LUZP2: variants seen among roughly 807,000 people sequenced by gnomAD.
The protein encoded by LUZP2 is leucine zipper protein 2.
In LUZP2, 52 loss-of-function variants were observed where a neutral mutation model predicts 51.6. The ratio of observed to expected loss-of-function variants is 1.01; its 90% CI spans 0.81 to 1.27. The LOEUF is 1.27. Ranked by LOEUF, LUZP2 falls within the 50% of genes most tolerant of loss-of-function variation. The pLI is 0.00. For synonymous variants in LUZP2, 154 were observed against 137.3 expected (o/e 1.12, Z -0.85); for missense variants, 436 against 395.4 (o/e 1.10, Z -0.87).
intron 1 of LUZP2, among the ~76,000 whole-genome samples, chr11:24,634,533 AT>A (rs1371049631): frequency 3.3e-5 from 5 of 150,838 alleles, no homozygotes; most frequent in Admixed American, 2.7e-4. Flanking sequence ...CTCATTCCCT[AT>A]TTTTTCCCCC....
At chr11:24,916,786 C>T (rs1177978776) in intron 7 of LUZP2, among the ~76,000 whole-genome samples, 1 of 151,940 alleles carries the variant, frequency 6.6e-6, no homozygotes, top group Non-Finnish European at 1.5e-5. Flanking sequence ...ATAGTGATAC[C>T]ATAAACATAC....
intron 10 of LUZP2, among the ~76,000 whole-genome samples, chr11:25,074,523 T>C (rs1255722441): frequency 6.6e-6 from 1 of 152,192 alleles, no homozygotes; most frequent in African/African-American, 2.4e-5. Flanking sequence ...TTATCTCGAA[T>C]AGTTGGTTGT....
chr11:24,829,332 G>T (rs1296875368), intron 5 of LUZP2, among the ~76,000 whole-genome samples: 1 of 152,142 alleles, frequency 6.6e-6, no homozygotes, highest in Non-Finnish European at 1.5e-5. Flanking sequence ...AAAAACTCCA[G>T]AGTAGGAAAA....
intron 5 of LUZP2, among the ~76,000 whole-genome samples, chr11:24,797,581 T>A (rs1849580865): frequency 6.6e-6 from 1 of 152,160 alleles, no homozygotes; most frequent in Admixed American, 6.6e-5. Context: ...AAAACTTGCC[T>A]CCTGGTGATA....
At chr11:24,714,965 A>G (rs1247315839) in intron 1 of LUZP2, among the ~76,000 whole-genome samples, 1 of 152,150 alleles carries the variant, frequency 6.6e-6, no homozygotes, top group African/African-American at 2.4e-5. Context: ...CACTTTAACT[A>G]AAGACTCTCA....
intron 1 of LUZP2, among the ~76,000 whole-genome samples, chr11:24,591,008 G>A (rs1853239325): frequency 6.6e-6 from 1 of 152,174 alleles, no homozygotes; most frequent in Non-Finnish European, 1.5e-5. Flanking sequence ...TGCTTTGGAG[G>A]CTGAGGAGGC....
chr11:24,996,632 A>ATT (rs1856512302), intron 9 of LUZP2, among the ~76,000 whole-genome samples: 3 of 98,632 alleles, frequency 3.0e-5, no homozygotes, highest in African/African-American at 1.0e-4. Context: ...ATTTTATTTT[A>ATT]TTATACTTTA....
At chr11:24,916,405 T>C (rs1338235990) in intron 7 of LUZP2, among the ~76,000 whole-genome samples, 1 of 152,130 alleles carries the variant, frequency 6.6e-6, no homozygotes, top group Non-Finnish European at 1.5e-5. Flanking sequence ...TTACTATGTA[T>C]ACATGTGCCT....
At chr11:24,916,040 A>G (rs939899456) in intron 7 of LUZP2, among the ~76,000 whole-genome samples, 1 of 151,964 alleles carries the variant, frequency 6.6e-6, no homozygotes, top group African/African-American at 2.4e-5. Flanking sequence ...TGAAGAAGTA[A>G]TGCTTGCTGT....
intron 5 of LUZP2, among the ~76,000 whole-genome samples, chr11:24,794,948 A>T (rs548436076): frequency 5.3e-5 from 8 of 152,236 alleles, no homozygotes; most frequent in African/African-American, 1.9e-4. Context: ...CATGAATAAC[A>T]TCTTAATTTG....
intron 1 of LUZP2, among the ~76,000 whole-genome samples, chr11:24,515,058 G>C (rs1850421945): frequency 6.6e-6 from 1 of 152,182 alleles, no homozygotes; most frequent in South Asian, 2.1e-4. Context: ...AAGGACGCTA[G>C]AAGGTCTATT....
At chr11:24,571,592 G>A (rs1376954614) in intron 1 of LUZP2, among the ~76,000 whole-genome samples, 1 of 152,002 alleles carries the variant, frequency 6.6e-6, no homozygotes, top group Non-Finnish European at 1.5e-5. Flanking sequence ...CAGTTATTAA[G>A]TGTCACTGAT....
At chr11:25,048,319 C>G (rs1426663031) in intron 9 of LUZP2, among the ~76,000 whole-genome samples, 1 of 152,134 alleles carries the variant, frequency 6.6e-6, no homozygotes, top group Non-Finnish European at 1.5e-5. Flanking sequence ...ATTCAGCAAC[C>G]CACTTCAAAA....
intron 7 of LUZP2, among the ~76,000 whole-genome samples, chr11:24,930,951 C>T (rs909240697): frequency 8.7e-4 from 132 of 152,220 alleles, no homozygotes; most frequent in African/African-American, 3.0e-3. Flanking sequence ...CAGTGGCTCA[C>T]GCCTGTAATC....
chr11:24,984,327 G>A (rs918139980), intron 9 of LUZP2, among the ~76,000 whole-genome samples: 1 of 151,040 alleles, frequency 6.6e-6, no homozygotes, highest in Non-Finnish European at 1.5e-5. Flanking sequence ...TCAGGATGGA[G>A]AGTCATAAAT....
At chr11:24,556,664 T>C (rs1478820261) in intron 1 of LUZP2, among the ~76,000 whole-genome samples, 2 of 152,170 alleles carry the variant, frequency 1.3e-5, no homozygotes, top group African/African-American at 4.8e-5. Context: ...CTACAGCTCA[T>C]TTATTTGCCT....
At chr11:24,959,553 G>T (rs1200257770) in intron 7 of LUZP2, among the ~76,000 whole-genome samples, 6 of 152,178 alleles carry the variant, frequency 3.9e-5, no homozygotes, top group African/African-American at 1.4e-4. Context: ...TTGGCTGTTT[G>T]TCTGTTATTG....
rs138290655 is a variant in LUZP2, at chr11:24,703,365, G to A, written c.63-25804G>A. On this transcript the variant is annotated intron_variant, in intron 1 of 11. Coordinates refer to ENST00000336930, the MANE Select transcript of LUZP2 (RefSeq NM_001009909.4). ...TACTTCTGAAGGTTATTTCAGAGAC[G>A]TAGCAGTTTAATACAGAATCAGAGA... Among the ~76,000 whole-genome samples, 104 of 152,284 alleles carry A rather than the reference G, an allele frequency of 6.8e-4. 1 individual carries two copies. The highest frequency in any genetic ancestry group is 2.1e-3 in the African/African-American group (88 of 41,578).
At chr11:25,010,861 T>C (rs977232415) in intron 9 of LUZP2, among the ~76,000 whole-genome samples, 4 of 150,784 alleles carry the variant, frequency 2.7e-5, no homozygotes, top group Admixed American at 6.6e-5. Flanking sequence ...ATAATAATAA[T>C]AACATAATAA....
Sources: allele counts gnomAD v4.1 joint callset (sites outside exome capture counted in the v4.1 genomes callset), GRCh38; gene constraint gnomAD v4.1.1; transcripts MANE v1.5; gene names NCBI Gene and HGNC (gene_info 2026-07-23, HGNC 2026-07-21).